Variants in RTL4 observed in about 807,000 individuals in gnomAD.
RTL4 encodes retrotransposon Gag like 4.
Under a neutral mutation model 5.3 loss-of-function variants are expected in RTL4, and 4 were observed. The ratio of observed to expected loss-of-function variants is 0.75; its 90% CI spans 0.37 to 1.72. The LOEUF (loss-of-function observed/expected upper bound fraction) is 1.72, where lower values mean the gene tolerates loss of function less well. Among genes scored for constraint, RTL4 ranks in the 40% most tolerant of loss-of-function variants. RTL4 has a pLI of 0.04. For missense variants in RTL4, 260 were observed against 227.1 expected, an observed-to-expected ratio of 1.14 and a Z score of -0.93; for synonymous variants, 98 against 87.3, an observed-to-expected ratio of 1.12 and a Z score of -0.68.
the RTL4 span, among the ~76,000 whole-genome samples, chrX:112,372,065 A>G: frequency 8.9e-6 from 1 of 111,951 alleles, no homozygotes; most frequent in Non-Finnish European, 1.9e-5. Flanking sequence ...AGACCCATGT[A>G]ACTAATCAAA....
At chrX:112,440,642 G>C in the RTL4 span, among the ~76,000 whole-genome samples, 1 of 111,843 alleles carries the variant, frequency 8.9e-6, no homozygotes, top group African/African-American at 3.2e-5. Context: ...ACCAAGCTGA[G>C]AAGAAGTTTG....
chrX:112,281,693 T>A, the RTL4 span, among the ~76,000 whole-genome samples: 1 of 111,520 alleles, frequency 9.0e-6, no homozygotes, highest in African/African-American at 3.3e-5. Flanking sequence ...CTAACAGGTG[T>A]TGAGGTGCTA....
chrX:112,119,068 G>T, the RTL4 span, among the ~76,000 whole-genome samples: 5 of 103,138 alleles, frequency 4.8e-5, no homozygotes, highest in African/African-American at 1.8e-4. Context: ...ATGTTGACCA[G>T]ACTGGTCTTG....
At chrX:112,193,420 C>T in the RTL4 span, among the ~76,000 whole-genome samples, 1 of 110,908 alleles carries the variant, frequency 9.0e-6, no homozygotes, top group African/African-American at 3.3e-5. Context: ...TTAACCAATC[C>T]CTATTTATCC....
At chrX:112,353,919 A>T in the RTL4 span, among the ~76,000 whole-genome samples, 1 of 111,268 alleles carries the variant, frequency 9.0e-6, no homozygotes, top group South Asian at 3.8e-4. Flanking sequence ...ATTTTTTTAA[A>T]ATTAATCAGC....
At chrX:112,349,195 C>T in the RTL4 span, among the ~76,000 whole-genome samples, 194 of 111,042 alleles carry the variant, frequency 1.7e-3, no homozygotes, top group African/African-American at 5.8e-3. Flanking sequence ...GACTATATAA[C>T]GGGTTCTGAC....
the RTL4 span, among the ~76,000 whole-genome samples, chrX:112,395,977 T>C: frequency 5.4e-5 from 6 of 111,245 alleles, no homozygotes; most frequent in African/African-American, 1.3e-4. Flanking sequence ...CAGATTGTTA[T>C]GGTAAGAATT....
At chrX:112,415,767 T>C in the RTL4 span, among the ~76,000 whole-genome samples, 10 of 111,729 alleles carry the variant, frequency 9.0e-5, no homozygotes, top group African/African-American at 3.2e-4. Flanking sequence ...ATTTCTATTT[T>C]ATTAATGAAG....
chrX:112,195,742 T>C, the RTL4 span, among the ~76,000 whole-genome samples: 3 of 111,557 alleles, frequency 2.7e-5, no homozygotes, highest in Non-Finnish European at 5.6e-5. Flanking sequence ...TCTTTCAATG[T>C]ACAATATCCT....
At chrX:112,146,994 G>A in the RTL4 span, among the ~76,000 whole-genome samples, 1 of 105,688 alleles carries the variant, frequency 9.5e-6, no homozygotes, top group Admixed American at 1.1e-4. Context: ...AACCAGATGA[G>A]GTACACACTA....
the RTL4 span, among the ~76,000 whole-genome samples, chrX:112,187,465 G>A: frequency 1.8e-5 from 2 of 111,223 alleles, no homozygotes; most frequent in African/African-American, 6.5e-5. Context: ...GGGGCACCGT[G>A]GTACAGAACC....
At chrX:112,360,620 A>G in the RTL4 span, among the ~76,000 whole-genome samples, 1 of 109,350 alleles carries the variant, frequency 9.1e-6, no homozygotes, top group African/African-American at 3.3e-5. Flanking sequence ...TCCTTCTTCT[A>G]TCATCATACT....
chrX:112,138,591 T>A, the RTL4 span, among the ~76,000 whole-genome samples: 2 of 111,172 alleles, frequency 1.8e-5, no homozygotes, highest in Non-Finnish European at 3.8e-5. Flanking sequence ...GTGTTTTTTT[T>A]AAGTCTTGAA....
At chrX:112,404,723 T>C in the RTL4 span, among the ~76,000 whole-genome samples, 2 of 113,037 alleles carry the variant, frequency 1.8e-5, no homozygotes, top group Non-Finnish European at 3.7e-5. Flanking sequence ...AGTGCTTTAA[T>C]AGCATTCTAG....
the RTL4 span, among the ~76,000 whole-genome samples, chrX:112,168,797 A>G: frequency 8.9e-6 from 1 of 111,779 alleles, no homozygotes; most frequent in East Asian, 2.8e-4. Flanking sequence ...AGAAGTAATA[A>G]TAAGTATAAG....
the RTL4 span, among the ~76,000 whole-genome samples, chrX:112,236,496 TATAG>T: frequency 1.4e-5 from 1 of 71,163 alleles, no homozygotes; most frequent in African/African-American, 5.3e-5. Flanking sequence ...TATATCTATA[TATAG>T]ATATAGATAT....
the RTL4 span, among the ~76,000 whole-genome samples, chrX:112,167,784 C>T: frequency 9.4e-6 from 1 of 106,628 alleles, no homozygotes; most frequent in Non-Finnish European, 1.9e-5. Flanking sequence ...TGGTATCTTC[C>T]AAAATGAAAA....
At chrX:112,265,924 C>A in the RTL4 span, among the ~76,000 whole-genome samples, 1 of 110,541 alleles carries the variant, frequency 9.0e-6, no homozygotes, top group South Asian at 3.9e-4. Context: ...CAGATCCCCC[C>A]ACAGGCCCCT....
chrX:112,133,464 C>T, the RTL4 span, among the ~76,000 whole-genome samples: 4 of 111,855 alleles, frequency 3.6e-5, no homozygotes, highest in South Asian at 3.7e-4. Context: ...GATCAAAAGG[C>T]GATGAAGCGA....
Sources: gnomAD v4.1 joint callset for allele counts (sites outside exome capture counted in the v4.1 genomes callset) on GRCh38, gnomAD v4.1.1 for gene constraint, MANE v1.5 for transcripts, NCBI Gene and HGNC (gene_info 2026-07-23, HGNC 2026-07-21) for gene names.